The following CHLSN variants were observed in gnomAD, a reference collection of about 807,000 sequenced individuals.
CHLSN encodes the protein cholesin.
the CHLSN span, among the ~76,000 whole-genome samples, chr7:1,053,072 G>T: frequency 4.6e-5 from 7 of 152,220 alleles, no homozygotes; most frequent in African/African-American, 9.6e-5. Context: ...CCTGCCCAGT[G>T]GGGGGAGAAG....
chr7:1,111,833 G>A, the CHLSN span, among the ~76,000 whole-genome samples: 4 of 151,972 alleles, frequency 2.6e-5, no homozygotes, highest in Non-Finnish European at 4.4e-5. Flanking sequence ...CAAGGGCCTC[G>A]GGGCGGGTGA....
chr7:997,712 C>G, the CHLSN span: 2 of 1,611,572 alleles, frequency 1.2e-6, no homozygotes, highest in Admixed American at 1.7e-5. Flanking sequence ...GCTCCCGCAT[C>G]AGGGCTTCCG....
chr7:985,165 G>T, the CHLSN span: 12 of 1,585,720 alleles, frequency 7.6e-6, no homozygotes, highest in Non-Finnish European at 1.0e-5. Flanking sequence ...CTCCCTCGCA[G>T]GCCGGCCCTT....
At chr7:1,025,832 A>C in the CHLSN span, 9 of 152,318 alleles carry the variant, frequency 5.9e-5, no homozygotes, top group African/African-American at 2.2e-4. Flanking sequence ...CTCCAGAGGC[A>C]GGCTGGGGTC....
At chr7:1,053,976 C>T in the CHLSN span, among the ~76,000 whole-genome samples, 7 of 152,208 alleles carry the variant, frequency 4.6e-5, no homozygotes, top group Admixed American at 1.3e-4. Context: ...AGAGAGGAGG[C>T]GGGTCAAGGA....
At chr7:1,058,265 T>C in the CHLSN span, 1 of 772,084 alleles carries the variant, frequency 1.3e-6, no homozygotes, top group Non-Finnish European at 2.4e-6. Flanking sequence ...CGCCACACTA[T>C]CTGATCCTGC....
chr7:1,044,494 T>C, the CHLSN span: 2 of 151,862 alleles, frequency 1.3e-5, no homozygotes, highest in South Asian at 4.1e-4. Context: ...GGACCAAGGC[T>C]GGGGGCGGGG....
chr7:1,080,349 C>T, the CHLSN span, among the ~76,000 whole-genome samples: 3 of 152,392 alleles, frequency 2.0e-5, no homozygotes, highest in Admixed American at 6.5e-5. Flanking sequence ...GCCCCCCGTG[C>T]TCAGTGGCGA....
At chr7:980,731 A>C in the CHLSN span, among the ~76,000 whole-genome samples, 1 of 130,746 alleles carries the variant, frequency 7.6e-6, no homozygotes, top group Admixed American at 9.5e-5. Context: ...TCTGTTGCCC[A>C]GGCTGGAGTG....
the CHLSN span, chr7:1,092,233 C>T: frequency 1.3e-5 from 21 of 1,612,572 alleles, no homozygotes; most frequent in East Asian, 4.5e-5. Flanking sequence ...CAGCCTGTTC[C>T]GCACCAAGCA....
At chr7:1,055,317 G>A in the CHLSN span, 4 of 471,038 alleles carry the variant, frequency 8.5e-6, no homozygotes, top group African/African-American at 2.0e-5. Context: ...TCACACGCAC[G>A]CGCAGGCGGC....
At chr7:1,052,723 C>T in the CHLSN span, among the ~76,000 whole-genome samples, 13 of 152,040 alleles carry the variant, frequency 8.6e-5, no homozygotes, top group African/African-American at 1.9e-4. The surrounding 1 kb of genome is among the most constrained non-coding windows in gnomAD (Gnocchi z 4.2). Flanking sequence ...ATATCACCCC[C>T]GCCACCGGGC....
chr7:1,032,927 C>G, the CHLSN span, among the ~76,000 whole-genome samples: 100,730 of 152,168 alleles, frequency 0.66, 34,938 homozygotes, highest in African/African-American at 0.87. Context: ...CTACCCTGCC[C>G]GGATACCCCC....
At chr7:1,066,038 C>G in the CHLSN span, among the ~76,000 whole-genome samples, 1 of 152,214 alleles carries the variant, frequency 6.6e-6, no homozygotes, top group African/African-American at 2.4e-5. Context: ...CCCTGCGCGG[C>G]CGGCACGGAT....
At chr7:1,017,009 G>GCACACACCAGCGCACAGCAGCGCACAC in the CHLSN span, among the ~76,000 whole-genome samples, 1 of 133,768 alleles carries the variant, frequency 7.5e-6, no homozygotes. Flanking sequence ...GGAGCACACA[G>GCACACACCAGCGCACAGCAGCGCACAC]CAGCACACAG....
chr7:1,019,307 G>A, the CHLSN span, among the ~76,000 whole-genome samples: 2 of 151,594 alleles, frequency 1.3e-5, no homozygotes, highest in African/African-American at 4.8e-5. Flanking sequence ...CTAGCCACCT[G>A]CAAAGCCAGA....
chr7:997,928 G>C, the CHLSN span: 1 of 859,830 alleles, frequency 1.2e-6, no homozygotes, highest in Non-Finnish European at 1.8e-6. Flanking sequence ...ACTGCGGCCC[G>C]AGGGTGTGGG....
the CHLSN span, among the ~76,000 whole-genome samples, chr7:1,032,494 G>C: frequency 1.3e-5 from 2 of 150,346 alleles, no homozygotes. Context: ...GTGGCCCTCA[G>C]AGGCCGCAGC....
the CHLSN span, among the ~76,000 whole-genome samples, chr7:1,118,536 T>C: frequency 6.6e-6 from 1 of 151,984 alleles, no homozygotes; most frequent in South Asian, 2.1e-4. Flanking sequence ...GAGAAAACCA[T>C]AAAACTTTCC....
Sources: gnomAD v4.1 joint callset for allele counts (sites outside exome capture counted in the v4.1 genomes callset) on GRCh38, gnomAD v4.1.1 for gene constraint, Gnocchi (gnomAD v3.1) non-coding constraint, MANE v1.5 for transcripts, NCBI Gene and HGNC (gene_info 2026-07-23, HGNC 2026-07-21) for gene names.